Variants in NDST4 observed in about 807,000 individuals in gnomAD.
NDST4 encodes N-deacetylase and N-sulfotransferase 4.
A neutral mutation model predicts 100.8 loss-of-function variants in NDST4; 63 were observed. The ratio of observed to expected loss-of-function variants is 0.62; its 90% confidence interval spans 0.51 to 0.77. The LOEUF (loss-of-function observed/expected upper bound fraction) is 0.77, where lower values mean the gene tolerates loss of function less well. Among genes scored for constraint, NDST4 ranks in the 30% least tolerant of loss-of-function variants. The probability of loss-of-function intolerance (pLI) is 0.00; values close to 1 mark genes in which losing one functional copy is unlikely to be tolerated. For synonymous variants in NDST4, 377 were observed against 361.8 expected (o/e 1.04, Z -0.48); for missense variants, 943 against 1,018.4 (o/e 0.93, Z 1.01).
intron 2 of NDST4, among the ~76,000 whole-genome samples, chr4:114,997,355 CAA>C (rs780555863): frequency 1.6e-4 from 25 of 151,912 alleles, no homozygotes; most frequent in Middle Eastern, 3.4e-3. Context: ...GAGAAAAAAA[CAA>C]AAAGAGTTAT....
At chr4:115,103,974 A>G (rs957292227) in intron 1 of NDST4, among the ~76,000 whole-genome samples, 3 of 152,178 alleles carry the variant, frequency 2.0e-5, no homozygotes, top group Non-Finnish European at 2.9e-5. Context: ...TAGAATTATC[A>G]CGATAGTTAC....
chr4:114,868,837 G>C (rs1724086636), intron 7 of NDST4, among the ~76,000 whole-genome samples: 2 of 151,166 alleles, frequency 1.3e-5, no homozygotes, highest in African/African-American at 4.8e-5. Flanking sequence ...ATGAAAATTT[G>C]TAAACTCTAT....
intron 2 of NDST4, among the ~76,000 whole-genome samples, chr4:115,012,019 G>A (rs550780441): frequency 7.8e-4 from 118 of 151,900 alleles, no homozygotes; most frequent in African/African-American, 2.3e-3. Flanking sequence ...TGTGATAGGA[G>A]TAAAGTGAAT....
chr4:114,907,155 G>A (rs939873988), intron 6 of NDST4, among the ~76,000 whole-genome samples: 22 of 152,224 alleles, frequency 1.4e-4, no homozygotes, highest in East Asian at 3.9e-4. Context: ...AAATAAAGCC[G>A]AGGCAGTGAT....
chr4:115,031,936 T>G (rs757607345), intron 2 of NDST4, among the ~76,000 whole-genome samples: 2 of 152,108 alleles, frequency 1.3e-5, no homozygotes, highest in Non-Finnish European at 2.9e-5. Flanking sequence ...TAATGTTTAC[T>G]GTGGCTAGAG....
chr4:114,929,037 TGTCTGTCCGTCCGTCCGTCCGTCC>T (rs1482843311), intron 6 of NDST4, among the ~76,000 whole-genome samples: 1 of 131,500 alleles, frequency 7.6e-6, no homozygotes, highest in South Asian at 2.8e-4. Context: ...TCTGTCTGTC[TGTCTGTCCGTCCGTCCGTCCGTCC>T]GTCCGTCCGT....
chr4:114,969,157 CA>C (rs1250804238), intron 4 of NDST4, among the ~76,000 whole-genome samples: 9 of 151,536 alleles, frequency 5.9e-5, no homozygotes, highest in Non-Finnish European at 1.0e-4. Flanking sequence ...ACTAAAAATA[CA>C]AAAAAATTAG....
chr4:115,088,823 TA>T (rs1729458159), intron 1 of NDST4, among the ~76,000 whole-genome samples: 3 of 152,072 alleles, frequency 2.0e-5, no homozygotes, highest in South Asian at 4.1e-4. Flanking sequence ...AATCAGTTCT[TA>T]TTCATTTTTA....
chr4:114,953,395 T>TA (rs1726065184), intron 4 of NDST4, among the ~76,000 whole-genome samples: 1 of 152,094 alleles, frequency 6.6e-6, no homozygotes, highest in Admixed American at 6.6e-5. Context: ...TGACAATGGC[T>TA]GCAAGAGAAA....
Position 114,834,123 on chromosome 4 carries a change from T to C in NDST4, c.2287-408A>G, listed in dbSNP as rs1723259064. Reference sequence around the variant, plus strand: ...GTCATCCAAATGAAAATCACCCATCTAATCTTAAACAAACAAGACAGAGGG... The same window carrying C: ...GTCATCCAAATGAAAATCACCCATCCAATCTTAAACAAACAAGACAGAGGG... On this transcript the variant is annotated intron_variant, in intron 11 of 13. Transcript: ENST00000264363. Among the ~76,000 whole-genome samples, 4 of 152,182 alleles carry C rather than the reference T, an allele frequency of 2.6e-5. No homozygotes were observed. The South Asian group carries it at 8.3e-4, about 32-fold the overall frequency.
chr4:114,922,968 G>A (rs1009953976), intron 6 of NDST4, among the ~76,000 whole-genome samples: 1 of 152,160 alleles, frequency 6.6e-6, no homozygotes, highest in African/African-American at 2.4e-5. Flanking sequence ...AGGCTCAGGG[G>A]ATGAGAAAGA....
At chr4:115,085,438 G>A (rs1729390594) in intron 1 of NDST4, among the ~76,000 whole-genome samples, 1 of 152,066 alleles carries the variant, frequency 6.6e-6, no homozygotes, top group Admixed American at 6.6e-5. Flanking sequence ...GAGGGGCAGG[G>A]CCATAATAAT....
intron 2 of NDST4, among the ~76,000 whole-genome samples, chr4:115,068,625 G>A (rs1351332238): frequency 1.1e-4 from 16 of 145,116 alleles, no homozygotes; most frequent in African/African-American, 4.1e-4. Context: ...TGGCTAACAC[G>A]GTGAAACCCC....
intron 2 of NDST4, among the ~76,000 whole-genome samples, chr4:115,052,669 A>C (rs1728608824): frequency 6.6e-6 from 1 of 152,112 alleles, no homozygotes; most frequent in African/African-American, 2.4e-5. Flanking sequence ...AGGCCTCCCT[A>C]GCCATGTGGA....
At chr4:115,082,941 G>A (rs1729332535) in intron 1 of NDST4, among the ~76,000 whole-genome samples, 1 of 152,120 alleles carries the variant, frequency 6.6e-6, no homozygotes, top group Admixed American at 6.5e-5. Context: ...AAATTGTAGA[G>A]GTGAATTAAA....
At chr4:115,068,815 C>CAAAAAAAAAAAA (rs34003720) in intron 2 of NDST4, among the ~76,000 whole-genome samples, 1 of 77,620 alleles carries the variant, frequency 1.3e-5, no homozygotes, top group Non-Finnish European at 3.0e-5. Context: ...GGCTCCATCT[C>CAAAAAAAAAAAA]AAAAAAAAAA....
In NDST4 at chr4:114,947,973, C is replaced by T. The variant is rs150652327; in HGVS notation, c.1222-10470G>A. 2.0e-5 allele frequency among the ~76,000 whole-genome samples: 3 copies of T among 152,146 alleles called. No individual in the cohort carries two copies. The East Asian group carries it at 5.8e-4, about 29-fold the overall frequency. ...TAAATGTCCTTTTCGAAGCTGTCTA[C>T]CGTGTGCTTCATTTTATGATTATGA... On this transcript the variant is annotated intron_variant, in intron 4 of 13. Coordinates refer to ENST00000264363, the MANE Select transcript of NDST4 (RefSeq NM_022569.3).
intron 4 of NDST4, among the ~76,000 whole-genome samples, chr4:114,957,385 T>A (rs1047317291): frequency 2.0e-5 from 3 of 152,130 alleles, no homozygotes; most frequent in African/African-American, 7.2e-5. Flanking sequence ...TCAGATCTCA[T>A]GAGATTATTC....
intron 2 of NDST4, among the ~76,000 whole-genome samples, chr4:114,981,240 AG>A (rs1726764506): frequency 1.3e-5 from 2 of 151,474 alleles, no homozygotes; most frequent in South Asian, 4.2e-4. Context: ...GAAGGAAGGA[AG>A]GAAGGAAGGA....
Sources: allele counts gnomAD v4.1 joint callset (sites outside exome capture counted in the v4.1 genomes callset), GRCh38; gene constraint gnomAD v4.1.1; transcripts MANE v1.5; gene names NCBI Gene and HGNC (gene_info 2026-07-23, HGNC 2026-07-21).